The following CFAP77 variants were observed in gnomAD, a reference collection of about 807,000 sequenced individuals.
CFAP77 encodes the protein cilia and flagella associated protein 77.
CFAP77 carries 25 observed loss-of-function variants against 31.1 expected under a neutral mutation model. The ratio of observed to expected loss-of-function variants is 0.80; its 90% CI spans 0.59 to 1.12. CFAP77 has a LOEUF of 1.12. Among genes scored for constraint, CFAP77 ranks in the 50% most tolerant of loss-of-function variants. The pLI, the probability that CFAP77 is intolerant of heterozygous loss-of-function variation, is 0.00. For missense variants in CFAP77, 377 were observed against 397.3 expected (o/e 0.95, Z 0.44); for synonymous variants, 151 against 159.9 (o/e 0.94, Z 0.42).
Position 132,499,483 on chromosome 9 carries a change from G to A in CFAP77, c.407G>A (p.Arg136Gln), listed in dbSNP as rs369978680. 51 of 1,614,162 alleles carry A rather than the reference G, an allele frequency of 3.2e-5. No individual in the cohort carries two copies. Among genetic ancestry groups the A allele is most frequent in the African/African-American group, 5.3e-5 (4 of 75,034 alleles). The change falls in exon 3 of 6, where the codon CGG (arginine) becomes CAG (glutamine). Residue 136 changes from arginine (R) to glutamine (Q), a missense_variant. Arg to Gln is a conservative substitution (Grantham distance 43, BLOSUM62 1). Transcript: ENST00000393216. The surrounding 1 kb of genome is among the most constrained non-coding windows in gnomAD (Gnocchi z 5.4). ...GTGAAAGCCGGCCTGGTGACTGCCC[G>A]GGAGAACTTGCTCTACCGTCAGCTC... ...GAVKAGLVTARENLLYRQLND... is the reference protein window; with the variant it reads ...GAVKAGLVTAQENLLYRQLND...
intron 1 of CFAP77, among the ~76,000 whole-genome samples, chr9:132,466,242 A>G (rs1176522429): frequency 6.6e-6 from 1 of 152,086 alleles, no homozygotes; most frequent in Non-Finnish European, 1.5e-5. Context: ...TGACATGAGC[A>G]TTTTTTTAAA....
intron 1 of CFAP77, among the ~76,000 whole-genome samples, chr9:132,459,122 A>G (rs1255828679): frequency 6.9e-6 from 1 of 145,736 alleles, no homozygotes; most frequent in African/African-American, 2.6e-5. Flanking sequence ...CCCAGGCTGG[A>G]GTGCAGTGGC....
At chr9:132,425,591 G>A (rs942150740) in intron 1 of CFAP77, among the ~76,000 whole-genome samples, 2 of 152,002 alleles carry the variant, frequency 1.3e-5, no homozygotes, top group Non-Finnish European at 2.9e-5. Flanking sequence ...TTTCCCCCCC[G>A]AAATTGCAGT....
At position 132,573,151 on chromosome 9, in the gene CFAP77, C is replaced by G. The variant is rs1450912664; in HGVS notation, c.*641C>G. ...ACTGACTTTGGAAGGTCAACCCACT[C>G]TGGAAAAAGCCTTCCAGGCCAGCGG... On this transcript the variant is annotated 3_prime_UTR_variant, in exon 6 of 6. Coordinates refer to ENST00000393216, the MANE Select transcript of CFAP77 (RefSeq NM_001282957.2). 1.3e-5 allele frequency: 2 copies of G among 152,306 alleles called. No homozygotes were observed. The highest frequency in any genetic ancestry group is 4.8e-5 in the African/African-American group (2 of 41,450). 9.4% of individuals were successfully genotyped at this position (152,306 alleles called of 1,614,324 possible).
chr9:132,541,025 C>T (rs1852631163), intron 4 of CFAP77, among the ~76,000 whole-genome samples: 1 of 152,152 alleles, frequency 6.6e-6, no homozygotes, highest in Admixed American at 6.5e-5. Context: ...TGGCTACAAA[C>T]CCCCCAAACG....
At chr9:132,500,697 C>T (rs1057381694) in intron 3 of CFAP77, among the ~76,000 whole-genome samples, 9 of 152,188 alleles carry the variant, frequency 5.9e-5, no homozygotes, top group Non-Finnish European at 1.3e-4. Context: ...TCTATTCTTC[C>T]ATCCCCTGAG....
At chr9:132,428,817 C>CG (rs948694195) in intron 1 of CFAP77, among the ~76,000 whole-genome samples, 4 of 152,080 alleles carry the variant, frequency 2.6e-5, no homozygotes, top group Non-Finnish European at 5.9e-5. Flanking sequence ...TGAAGACCCC[C>CG]CCCTGCTCTG....
intron 1 of CFAP77, among the ~76,000 whole-genome samples, chr9:132,465,865 G>A (rs990968509): frequency 6.6e-6 from 1 of 152,146 alleles, no homozygotes; most frequent in African/African-American, 2.4e-5. Flanking sequence ...CTGATGGCAC[G>A]AGGAGACATA....
In CFAP77 at chr9:132,552,178, G is replaced by A. The variant is rs772620397; in HGVS notation, c.732+9131G>A. 2.4e-4 allele frequency among the ~76,000 whole-genome samples: 36 copies of A among 152,218 alleles called. No individual in the cohort carries two copies. Among genetic ancestry groups the A allele is most frequent in the Admixed American group, 1.2e-3 (18 of 15,286 alleles). ...CCATGCAGAGTGGCTCCAGGTCCCA[G>A]CCTGCCTCATGCCCGCCCCAGGTCT... On this transcript the variant is annotated intron_variant, in intron 5 of 5. Transcript: ENST00000393216. The surrounding 1 kb of genome is among the most constrained non-coding windows in gnomAD (Gnocchi z 5.5).
rs1348603486 is a variant in CFAP77, at chr9:132,497,609, G to A, written c.196-1086G>A. Among the ~76,000 whole-genome samples the A allele has an allele frequency of 6.6e-6, 1 of 152,182 alleles. No individual in the cohort carries two copies. Among genetic ancestry groups the A allele is most frequent in the African/African-American group, 2.4e-5 (1 of 41,440 alleles). On this transcript the variant is annotated intron_variant, in intron 1 of 5. Transcript: ENST00000393216. This position sits in a 1 kb window ranked among gnomAD's most constrained non-coding sequence, Gnocchi z 4.9. ...TCTGAGCATGAGCTGGGGGCAGCCA[G>A]CCTGGGTTCCAGTCCCAGCTCTGCC... is the stretch of plus-strand genomic sequence containing the variant.
At chr9:132,452,205 C>T (rs1850840411) in intron 1 of CFAP77, among the ~76,000 whole-genome samples, 1 of 152,208 alleles carries the variant, frequency 6.6e-6, no homozygotes, top group Non-Finnish European at 1.5e-5. Context: ...CATGTGTCTC[C>T]TCCCAGTTGG....
At chr9:132,459,861 AGT>A (rs375411946) in intron 1 of CFAP77, among the ~76,000 whole-genome samples, 2 of 139,300 alleles carry the variant, frequency 1.4e-5, no homozygotes, top group Admixed American at 7.0e-5. Context: ...TCTGTGTGTG[AGT>A]GTGTGTATGT....
At chr9:132,534,723 G>A (rs1852517016) in intron 3 of CFAP77, among the ~76,000 whole-genome samples, 1 of 151,760 alleles carries the variant, frequency 6.6e-6, no homozygotes, top group South Asian at 2.1e-4. Context: ...TCAGAATAAT[G>A]ATTTTGTGGC....
intron 1 of CFAP77, among the ~76,000 whole-genome samples, chr9:132,451,176 T>G (rs1850819656): frequency 6.6e-6 from 1 of 151,664 alleles, no homozygotes; most frequent in Non-Finnish European, 1.5e-5. Context: ...GTCTCTACTA[T>G]GAATACAAAA....
At position 132,498,938 on chromosome 9, in the gene CFAP77, C is replaced by G; in HGVS notation, c.295+144C>G. On this transcript the variant is annotated intron_variant, in intron 2 of 5. Coordinates refer to ENST00000393216, the MANE Select transcript of CFAP77 (RefSeq NM_001282957.2). The surrounding 1 kb of genome is among the most constrained non-coding windows in gnomAD (Gnocchi z 4.2). ...AGGGACCGCCAGCCTGGGCAGCTGACTGGTAAAACCCAGGAAGTGGCCCAG... is the reference window on the plus strand; with the variant it reads ...AGGGACCGCCAGCCTGGGCAGCTGAGTGGTAAAACCCAGGAAGTGGCCCAG... The G allele has an allele frequency of 1.6e-6, 1 of 643,874 alleles. No individual in the cohort carries two copies. The highest frequency in any genetic ancestry group is 2.7e-6 in the Non-Finnish European group (1 of 370,540). The allele number at this position is 643,874 out of a possible 1,614,324, so 39.9% of individuals were successfully genotyped here. A position where few individuals can be genotyped will look rare whatever the true frequency, so the allele number is the denominator to read the frequency against.
intron 1 of CFAP77, among the ~76,000 whole-genome samples, chr9:132,451,229 T>A (rs1004872350): frequency 6.6e-6 from 1 of 151,684 alleles, no homozygotes; most frequent in African/African-American, 2.4e-5. Context: ...TCCCAGCCAC[T>A]TGGGAGGCTG....
intron 1 of CFAP77, among the ~76,000 whole-genome samples, chr9:132,478,557 C>A (rs1851390243): frequency 1.3e-5 from 2 of 152,218 alleles, no homozygotes. Context: ...AGCTCCCTGA[C>A]AGCCCTGTCG....
chr9:132,473,066 C>T (rs1037159006), intron 1 of CFAP77, among the ~76,000 whole-genome samples: 3 of 152,002 alleles, frequency 2.0e-5, no homozygotes, highest in Admixed American at 6.6e-5. Flanking sequence ...AAAGGGGAGC[C>T]GGGGTGTGCA....
At chr9:132,561,512 G>A (rs2119100721) in intron 5 of CFAP77, among the ~76,000 whole-genome samples, 1 of 151,856 alleles carries the variant, frequency 6.6e-6, no homozygotes, top group South Asian at 2.1e-4. Context: ...CTGGGTCAGG[G>A]ACCTGGACTC....
Sources: allele counts gnomAD v4.1 joint callset (sites outside exome capture counted in the v4.1 genomes callset), GRCh38; gene constraint gnomAD v4.1.1; non-coding constraint Gnocchi (gnomAD v3.1); transcripts MANE v1.5; gene names NCBI Gene and HGNC (gene_info 2026-07-23, HGNC 2026-07-21).